Variants in PARD3B observed in about 807,000 individuals in gnomAD.
PARD3B encodes par-3 family cell polarity regulator beta.
PARD3B carries 103 observed loss-of-function variants against 130.2 expected under a neutral mutation model. The ratio of observed to expected loss-of-function variants is 0.79; its 90% confidence interval spans 0.67 to 0.93. PARD3B has a LOEUF of 0.93. Among genes scored for constraint, PARD3B ranks in the 40% least tolerant of loss-of-function variants. The pLI is 0.00. For missense variants in PARD3B, 1,609 were observed against 1,499.2 expected (o/e 1.07, Z -1.21); for synonymous variants, 583 against 553.2 (o/e 1.05, Z -0.76).
intron 16 of PARD3B, among the ~76,000 whole-genome samples, chr2:205,248,293 A>G (rs1004444396): frequency 1.3e-5 from 2 of 151,534 alleles, no homozygotes; most frequent in Admixed American, 6.6e-5. Flanking sequence ...GTCTTGAATT[A>G]TAATGATCCT....
intron 1 of PARD3B, among the ~76,000 whole-genome samples, chr2:204,648,703 CAT>C (rs1274273823): frequency 0.015 from 1,080 of 72,882 alleles, 16 homozygotes; most frequent in Middle Eastern, 0.056. Flanking sequence ...TAATATATAT[CAT>C]ATAAATAATA....
intron 20 of PARD3B, among the ~76,000 whole-genome samples, chr2:205,443,721 C>T (rs765039031): frequency 1.3e-5 from 2 of 152,086 alleles, no homozygotes; most frequent in African/African-American, 4.8e-5. Context: ...CACCCAGACA[C>T]GGAGCATGGG....
intron 3 of PARD3B, among the ~76,000 whole-genome samples, chr2:205,039,633 A>G (rs1698254264): frequency 6.6e-6 from 1 of 151,844 alleles, no homozygotes; most frequent in Admixed American, 6.6e-5. Context: ...ACCACACCCC[A>G]CTAATCTTTG....
chr2:204,903,366 A>T, intron 2 of PARD3B, among the ~76,000 whole-genome samples: 1 of 152,300 alleles, frequency 6.6e-6, no homozygotes, highest in East Asian at 1.9e-4. Flanking sequence ...TATGTATTTG[A>T]ATTTCTTCTT....
intron 3 of PARD3B, among the ~76,000 whole-genome samples, chr2:204,969,511 T>C (rs1234177884): frequency 6.6e-6 from 1 of 152,184 alleles, no homozygotes; most frequent in Non-Finnish European, 1.5e-5. Context: ...CCTAGAAATA[T>C]GCAGTTCCAC....
At chr2:205,153,177 A>G (rs1367888785) in intron 10 of PARD3B, among the ~76,000 whole-genome samples, 1 of 152,172 alleles carries the variant, frequency 6.6e-6, no homozygotes, top group Non-Finnish European at 1.5e-5. Flanking sequence ...ACCCGGCTGT[A>G]TGAGGTGTCA....
intron 2 of PARD3B, among the ~76,000 whole-genome samples, chr2:204,888,121 T>C (rs1048026993): frequency 2.6e-5 from 4 of 152,008 alleles, no homozygotes; most frequent in Non-Finnish European, 4.4e-5. Flanking sequence ...AGCACCAGTT[T>C]TGCAGGGAGG....
chr2:204,978,087 A>G (rs1692349553), intron 3 of PARD3B, among the ~76,000 whole-genome samples: 2 of 152,276 alleles, frequency 1.3e-5, no homozygotes, highest in South Asian at 4.1e-4. Flanking sequence ...TTCAAAAGGC[A>G]GCCAGAGGGA....
At chr2:205,083,868 G>A (rs2125519957) in intron 4 of PARD3B, among the ~76,000 whole-genome samples, 1 of 152,052 alleles carries the variant, frequency 6.6e-6, no homozygotes, top group African/African-American at 2.4e-5. Context: ...TTTCCATAAT[G>A]AGCAACACAT....
chr2:204,810,845 C>T (rs1299516009), intron 2 of PARD3B, among the ~76,000 whole-genome samples: 1 of 152,084 alleles, frequency 6.6e-6, no homozygotes, highest in Non-Finnish European at 1.5e-5. Context: ...GGAGGAGTCC[C>T]TCCTCTTCAA....
intron 2 of PARD3B, among the ~76,000 whole-genome samples, chr2:204,721,907 C>G (rs2039013991): frequency 6.6e-6 from 1 of 152,042 alleles, no homozygotes; most frequent in African/African-American, 2.4e-5. Context: ...CCTCTATCTC[C>G]AGTTTATTAA....
rs952420440 is a variant in PARD3B at position 204,673,792 on chromosome 2, C to T, written c.121-12389C>T. On this transcript the variant is annotated intron_variant, in intron 1 of 22. Transcript: ENST00000406610. This position sits in a 1 kb window ranked among gnomAD's most constrained non-coding sequence, Gnocchi z 4.7. ...TATTTTGTTTGTTAATTATTGTCTT[C>T]TCCCTTCACTAAAATTTAAGCTTTA... Among the ~76,000 whole-genome samples, 1 of 152,176 alleles carries T rather than the reference C, an allele frequency of 6.6e-6. No individual in the cohort carries two copies. The highest frequency in any genetic ancestry group is 1.5e-5 in the Non-Finnish European group (1 of 68,030).
intron 2 of PARD3B, among the ~76,000 whole-genome samples, chr2:204,771,349 C>T (rs1374103019): frequency 3.3e-5 from 5 of 152,026 alleles, no homozygotes; most frequent in Admixed American, 3.3e-4. Context: ...CACAGGCACT[C>T]ACAGATGGAT....
intron 2 of PARD3B, among the ~76,000 whole-genome samples, chr2:204,738,811 C>A (rs2039870895): frequency 6.6e-6 from 1 of 152,128 alleles, no homozygotes; most frequent in African/African-American, 2.4e-5. Context: ...TTTTTTCTTC[C>A]CTAACTTCCC....
intron 3 of PARD3B, among the ~76,000 whole-genome samples, chr2:204,974,691 T>C (rs1195957905): frequency 1.3e-5 from 2 of 152,240 alleles, no homozygotes; most frequent in Non-Finnish European, 2.9e-5. Context: ...CTCAAGACTT[T>C]AGCTTGGTGT....
intron 18 of PARD3B, among the ~76,000 whole-genome samples, chr2:205,305,559 A>T (rs567936645): frequency 6.6e-6 from 1 of 152,210 alleles, no homozygotes; most frequent in Non-Finnish European, 1.5e-5. Flanking sequence ...AACCATCTTG[A>T]TGATAATGAC....
At chr2:205,316,339 C>A (rs13426148) in intron 18 of PARD3B, among the ~76,000 whole-genome samples, 1 of 151,716 alleles carries the variant, frequency 6.6e-6, no homozygotes, top group African/African-American at 2.4e-5. Flanking sequence ...AAATCACTAA[C>A]GGGAAGAAAT....
In PARD3B at chr2:205,146,353, T is replaced by C. The variant is rs1455354283; in HGVS notation, c.1435-12369T>C. ...CCATTATGCTCCCTTTTAAGGTTAT[T>C]AAATTGTTACATCAGGCTGGGTGCG... On this transcript the variant is annotated intron_variant, in intron 10 of 22. Transcript: ENST00000406610. The surrounding 1 kb of genome is among the most constrained non-coding windows in gnomAD (Gnocchi z 4.3). Among the ~76,000 whole-genome samples, 1 of 152,148 alleles carries C rather than the reference T, an allele frequency of 6.6e-6. No individual in the cohort carries two copies. The highest frequency in any genetic ancestry group is 1.9e-4 in the East Asian group (1 of 5,162).
rs74601018 is a variant in PARD3B, at chr2:204,686,577, G to A, written c.222+295G>A. Among the ~76,000 whole-genome samples the A allele has an allele frequency of 3.5e-3, 527 of 152,254 alleles. 3 individuals carry two copies. The highest frequency in any genetic ancestry group is 0.012 in the African/African-American group (495 of 41,544). ...TGAGGCTGTTGGAATCATCATTGTC[G>A]TTGCTGGCTCTGTAGTTTATTCCTG... On this transcript the variant is annotated intron_variant, in intron 2 of 22. Coordinates refer to ENST00000406610, the MANE Select transcript of PARD3B (RefSeq NM_001302769.2).
Sources: allele counts gnomAD v4.1 joint callset (sites outside exome capture counted in the v4.1 genomes callset), GRCh38; gene constraint gnomAD v4.1.1; non-coding constraint Gnocchi (gnomAD v3.1); transcripts MANE v1.5; gene names NCBI Gene and HGNC (gene_info 2026-07-23, HGNC 2026-07-21).